The following SLC14A2 variants were observed in gnomAD, a reference collection of about 807,000 sequenced individuals.
The protein encoded by SLC14A2 is solute carrier family 14 member 2.
In SLC14A2, 91 loss-of-function variants were observed where a neutral mutation model predicts 104.6. The observed-to-expected ratio is 0.87, with a 90% CI of 0.73 to 1.04. The LOEUF is 1.04. SLC14A2 is among the 50% of genes least tolerant of loss of function. The pLI, the probability that SLC14A2 is intolerant of heterozygous loss-of-function variation, is 0.00. For missense variants in SLC14A2, 1,189 were observed against 1,156.0 expected (o/e 1.03, Z -0.41); for synonymous variants, 476 against 466.4 (o/e 1.02, Z -0.27).
rs556967038 is a variant in SLC14A2, at chr18:45,425,092, G to A, written c.-124-58141G>A. Among the ~76,000 whole-genome samples, 162 of 152,262 alleles carry A rather than the reference G, an allele frequency of 1.1e-3. 2 individuals are homozygous for A. Among genetic ancestry groups the A allele is most frequent in the African/African-American group, 3.7e-3 (155 of 41,564 alleles). On this transcript the variant is annotated intron_variant, in intron 1 of 20. Transcript: ENST00000586448. The stretch of plus-strand genomic sequence containing the variant: ...ACTTTTATCTCAATGTGTCTTGACT[G>A]CACATCCAGTTCCCTTTAGGAGTTG...
intron 18 of SLC14A2, among the ~76,000 whole-genome samples, chr18:45,676,212 G>C (rs1047312106): frequency 2.6e-5 from 4 of 152,144 alleles, no homozygotes; most frequent in African/African-American, 4.8e-5. Flanking sequence ...AGAAGTCAAG[G>C]AGTCCTGAAG....
intron 1 of SLC14A2, among the ~76,000 whole-genome samples, chr18:45,330,519 C>A (rs1367828060): frequency 6.6e-6 from 1 of 152,198 alleles, no homozygotes; most frequent in African/African-American, 2.4e-5. Context: ...TAGTCATGCC[C>A]TATCTTTGAG....
At chr18:45,191,060 T>C in the SLC14A2 span, among the ~76,000 whole-genome samples, 1 of 152,100 alleles carries the variant, frequency 6.6e-6, no homozygotes, top group African/African-American at 2.4e-5. Context: ...GGAGGACAGC[T>C]CCCATGGTGT....
chr18:45,201,638 G>T, the SLC14A2 span, among the ~76,000 whole-genome samples: 4 of 151,648 alleles, frequency 2.6e-5, no homozygotes, highest in African/African-American at 9.7e-5. Flanking sequence ...TATATTTCCT[G>T]TTTCAGCCTT....
At chr18:45,275,758 T>G (rs1378697182) in intron 1 of SLC14A2, among the ~76,000 whole-genome samples, 1 of 152,228 alleles carries the variant, frequency 6.6e-6, no homozygotes, top group Non-Finnish European at 1.5e-5. Context: ...TCATCTCTTT[T>G]TTTACTAATA....
intron 1 of SLC14A2, among the ~76,000 whole-genome samples, chr18:45,376,386 A>G (rs1387274216): frequency 6.6e-6 from 1 of 152,194 alleles, no homozygotes; most frequent in Non-Finnish European, 1.5e-5. Context: ...TCCAGACTCC[A>G]ATTTCCACAT....
chr18:45,174,769 A>G, the SLC14A2 span, among the ~76,000 whole-genome samples: 3 of 152,274 alleles, frequency 2.0e-5, no homozygotes, highest in Admixed American at 2.0e-4. Flanking sequence ...GGACATGTTT[A>G]AAATATGTGA....
At chr18:45,227,910 G>A (rs1381874463) in intron 1 of SLC14A2, among the ~76,000 whole-genome samples, 1 of 151,396 alleles carries the variant, frequency 6.6e-6, no homozygotes, top group African/African-American at 2.4e-5. Context: ...ATTTATCCCA[G>A]GGCTTGGAGC....
intron 1 of SLC14A2, among the ~76,000 whole-genome samples, chr18:45,317,099 T>C (rs1380098524): frequency 6.6e-6 from 1 of 152,220 alleles, no homozygotes; most frequent in Admixed American, 6.5e-5. Context: ...TAATACCTCC[T>C]CTAGCCCTGT....
chr18:45,221,419 C>T (rs920250321), intron 1 of SLC14A2, among the ~76,000 whole-genome samples: 1 of 151,968 alleles, frequency 6.6e-6, no homozygotes, highest in Non-Finnish European at 1.5e-5. Flanking sequence ...CCTGTGGTCT[C>T]CTACGGGCCA....
chr18:45,512,967 G>C (rs1243086201), intron 2 of SLC14A2, among the ~76,000 whole-genome samples: 1 of 152,214 alleles, frequency 6.6e-6, no homozygotes, highest in Admixed American at 6.5e-5. Context: ...TCAAGCAAGT[G>C]ATTCTTTGGG....
chr18:45,433,138 G>C (rs922384291), intron 1 of SLC14A2, among the ~76,000 whole-genome samples: 1 of 151,996 alleles, frequency 6.6e-6, no homozygotes, highest in African/African-American at 2.4e-5. Flanking sequence ...ATAGACATAG[G>C]TTTGAGTCCT....
intron 1 of SLC14A2, among the ~76,000 whole-genome samples, chr18:45,222,957 T>A (rs2084077649): frequency 6.6e-6 from 1 of 152,130 alleles, no homozygotes; most frequent in Non-Finnish European, 1.5e-5. Context: ...GTGCAGGGCC[T>A]CAGGCACCCC....
At chr18:45,533,349 G>T (rs2043729237) in intron 2 of SLC14A2, among the ~76,000 whole-genome samples, 1 of 152,172 alleles carries the variant, frequency 6.6e-6, no homozygotes, top group Non-Finnish European at 1.5e-5. Context: ...TGGTTGGTAA[G>T]CTATTAATTA....
At chr18:45,249,060 G>A (rs62092156) in intron 1 of SLC14A2, among the ~76,000 whole-genome samples, 10,599 of 152,138 alleles carry the variant, frequency 0.07, 455 homozygotes, top group Non-Finnish European at 0.098. Flanking sequence ...TCCTTTGGGG[G>A]TTACCTCTAA....
chr18:45,433,800 G>C (rs559684847), intron 1 of SLC14A2, among the ~76,000 whole-genome samples: 39 of 152,294 alleles, frequency 2.6e-4, no homozygotes, highest in Admixed American at 1.7e-3. Flanking sequence ...AATGGGTATG[G>C]AGATCCTGAG....
intron 2 of SLC14A2, among the ~76,000 whole-genome samples, chr18:45,545,014 G>A (rs559411450): frequency 9.7e-4 from 147 of 151,940 alleles, no homozygotes; most frequent in African/African-American, 3.3e-3. Flanking sequence ...GGCTGGTCTC[G>A]AACTCCCGAC....
chr18:45,263,197 A>G (rs1457737453), intron 1 of SLC14A2, among the ~76,000 whole-genome samples: 1 of 152,150 alleles, frequency 6.6e-6, no homozygotes, highest in East Asian at 1.9e-4. Flanking sequence ...ATACTTTTGA[A>G]GAGTCTTGGT....
chr18:45,265,420 A>G (rs1414101632), intron 1 of SLC14A2, among the ~76,000 whole-genome samples: 2 of 152,166 alleles, frequency 1.3e-5, no homozygotes, highest in Non-Finnish European at 2.9e-5. Flanking sequence ...GTCAGAGGCT[A>G]GGAAGTTGGA....
Sources: gnomAD v4.1 joint callset for allele counts (sites outside exome capture counted in the v4.1 genomes callset) on GRCh38, gnomAD v4.1.1 for gene constraint, MANE v1.5 for transcripts, NCBI Gene and HGNC (gene_info 2026-07-23, HGNC 2026-07-21) for gene names.